Variants in EPB41L1 observed in about 807,000 individuals in gnomAD.
EPB41L1 encodes band 4.1-like protein 1.
In EPB41L1, 29 loss-of-function variants were observed where a neutral mutation model predicts 97.8. The ratio of observed to expected loss-of-function variants is 0.30; its 90% CI spans 0.22 to 0.40. EPB41L1 has a LOEUF of 0.40. Ranked by LOEUF, EPB41L1 falls within the 10% of genes least tolerant of loss-of-function variation. EPB41L1 has a pLI of 1.00. For synonymous variants in EPB41L1, 383 were observed against 459.2 expected (o/e 0.83, Z 2.12); for missense variants, 812 against 1,162.3 (o/e 0.70, Z 4.38).
chr20:36,126,012 G>A (rs144013360), intron 2 of EPB41L1, among the ~76,000 whole-genome samples: 3 of 152,094 alleles, frequency 2.0e-5, no homozygotes, highest in East Asian at 3.9e-4. Flanking sequence ...AGACTTTCTC[G>A]ATGGGGGGCT....
chr20:36,221,482 T>C (rs1329681650), intron 19 of EPB41L1, among the ~76,000 whole-genome samples: 1 of 152,092 alleles, frequency 6.6e-6, no homozygotes, highest in Non-Finnish European at 1.5e-5. Flanking sequence ...GGCAGCCTGG[T>C]GAGGTGAACA....
rs563165871 is a variant in EPB41L1, at chr20:36,099,968, G to A, written c.-65+8356G>A. 2.6e-5 allele frequency among the ~76,000 whole-genome samples: 4 copies of A among 152,360 alleles called. No individual in the cohort carries two copies. In the South Asian group the frequency reaches 8.3e-4, roughly 32 times the overall value. On this transcript the variant is annotated intron_variant, in intron 1 of 19. Transcript: ENST00000202028. ...GGGGTCCCTGGGCTCTGAGTGAGCA[G>A]GCTGAATGGGCCGGTTGTTCTGTTA... is the stretch of plus-strand genomic sequence containing the variant.
chr20:36,175,464 C>A (rs1311560817), intron 2 of EPB41L1, 87 bp from the exon 3 acceptor site: 15 of 1,522,732 alleles, frequency 9.9e-6, no homozygotes, highest in Non-Finnish European at 1.4e-5. Context: ...GTCTTGGCCC[C>A]AGATGCCTCT....
chr20:36,132,638 C>T (rs182748083), intron 2 of EPB41L1, among the ~76,000 whole-genome samples: 141 of 151,764 alleles, frequency 9.3e-4, no homozygotes, highest in South Asian at 8.0e-3. Flanking sequence ...TTACTGGACC[C>T]CCAGGTCCTG....
intron 5 of EPB41L1, among the ~76,000 whole-genome samples, chr20:36,180,979 A>G (rs920493429): frequency 2.6e-5 from 4 of 152,194 alleles, no homozygotes; most frequent in African/African-American, 9.7e-5. Flanking sequence ...CTCAGAATTC[A>G]TCTATAAAAA....
chr20:36,198,126 C>T (rs929856305), intron 14 of EPB41L1, 85 bp downstream of exon 14: 10 of 1,229,716 alleles, frequency 8.1e-6, no homozygotes, highest in South Asian at 3.8e-5. Flanking sequence ...TCATCCTCCA[C>T]ACCAATATGC....
upstream of EPB41L1, chr20:36,151,403 T>C (rs1423203181): frequency 1.3e-5 from 2 of 152,168 alleles, no homozygotes; most frequent in African/African-American, 4.8e-5. Flanking sequence ...GTGAGAAAAT[T>C]GAGGCTCAGA....
rs1354838727 is a variant in EPB41L1, at chr20:36,206,737, G to C, written c.1669-2751G>C. On this transcript the variant is annotated intron_variant, in intron 14 of 21. Coordinates refer to ENST00000338074, the MANE Select transcript of EPB41L1 (RefSeq NM_012156.2). This position sits in a 1 kb window ranked among gnomAD's most constrained non-coding sequence, Gnocchi z 5.5. ...TCCCGCAGGACAGACGTTTGCTGAA[G>C]GCTGGGAAGATGCCCAGTGGGGAGT... is the stretch of plus-strand genomic sequence containing the variant. 15 of 1,289,914 alleles carry C rather than the reference G, an allele frequency of 1.2e-5. No individual in the cohort carries two copies. The highest frequency in any genetic ancestry group is 1.3e-5 in the Non-Finnish European group (13 of 988,896). 79.9% of individuals were successfully genotyped at this position (1,289,914 alleles called of 1,614,324 possible). A position where few individuals can be genotyped will look rare whatever the true frequency, so the allele number is the denominator to read the frequency against.
chr20:36,140,981 G>A (rs1298356152), intron 2 of EPB41L1, among the ~76,000 whole-genome samples: 2 of 152,234 alleles, frequency 1.3e-5, no homozygotes, highest in African/African-American at 2.4e-5. Context: ...ATGGGCTGAT[G>A]AGTAGATGTA....
In EPB41L1 at chr20:36,185,417, C is replaced by G. The variant is rs377646420; in HGVS notation, c.785+82C>G. ...TGCAGGCCTGAATGTCCTAGGCCGC[C>G]ACATACTGTGCTGTTTGTACCCCGC... On this transcript the variant is annotated intron_variant, in intron 7 of 21. Coordinates refer to ENST00000338074, the MANE Select transcript of EPB41L1 (RefSeq NM_012156.2). The G allele has an allele frequency of 3.0e-6, 4 of 1,336,104 alleles. No homozygotes were observed. The African/African-American group carries it at 4.3e-5, about 15-fold the overall frequency. 82.8% of individuals were successfully genotyped at this position (1,336,104 alleles called of 1,614,324 possible).
At chr20:36,203,603 G>C (rs1207040143) in intron 14 of EPB41L1, among the ~76,000 whole-genome samples, 1 of 152,238 alleles carries the variant, frequency 6.6e-6, no homozygotes, top group African/African-American at 2.4e-5. Context: ...CTGGAATGGA[G>C]GCAGCTGAAG....
chr20:36,176,694 C>T (rs368343800), intron 3 of EPB41L1, among the ~76,000 whole-genome samples: 6 of 143,996 alleles, frequency 4.2e-5, no homozygotes, highest in Admixed American at 2.2e-4. Flanking sequence ...TGCAGTGGTG[C>T]GATCTCAGCT....
chr20:36,197,747 A>G lies in EPB41L1; in HGVS notation c.1486-112A>G, dbSNP rs1315211207. ...GAGAGTGACACAGGTCAGAGTGGGA[A>G]TAACGTTGCTGGTGGAGGGTGGTGA... is the stretch of plus-strand genomic sequence containing the variant. On this transcript the variant is annotated intron_variant, in intron 13 of 21. Coordinates refer to ENST00000338074, the MANE Select transcript of EPB41L1 (RefSeq NM_012156.2). The G allele has an allele frequency of 2.6e-5, 42 of 1,596,490 alleles. No homozygotes were observed. In the East Asian group the frequency reaches 9.3e-4, roughly 35 times the overall value.
chr20:36,159,429 T>G (rs778915727), intron 1 of EPB41L1, among the ~76,000 whole-genome samples: 1 of 152,192 alleles, frequency 6.6e-6, no homozygotes, highest in Non-Finnish European at 1.5e-5. Flanking sequence ...GCTGTGCAAT[T>G]GCAAAGCTCT....
intron 2 of EPB41L1, among the ~76,000 whole-genome samples, chr20:36,129,820 G>A (rs1270472404): frequency 3.9e-5 from 6 of 152,002 alleles, no homozygotes; most frequent in Non-Finnish European, 8.8e-5. Context: ...CTGGAGTGCA[G>A]TGGCAACTCA....
At position 36,229,786 on chromosome 20, in the gene EPB41L1, T is replaced by A. The variant is rs1316938833; in HGVS notation, c.*446T>A. The A allele has an allele frequency of 6.4e-6, 1 of 155,076 alleles. No homozygotes were observed. Among genetic ancestry groups the A allele is most frequent in the African/African-American group, 2.4e-5 (1 of 41,478 alleles). The allele number at this position is 155,076 out of a possible 1,614,324, so 9.6% of individuals were successfully genotyped here. Reference sequence around the variant, plus strand: ...CACGTTACAGTTAGCAGACGAGCAATTCCATTTGTTCTTCTCCAGCATCTC... The same window carrying A: ...CACGTTACAGTTAGCAGACGAGCAAATCCATTTGTTCTTCTCCAGCATCTC... On this transcript the variant is annotated 3_prime_UTR_variant, in exon 22 of 22. Coordinates refer to ENST00000338074, the MANE Select transcript of EPB41L1 (RefSeq NM_012156.2).
intron 1 of EPB41L1, among the ~76,000 whole-genome samples, chr20:36,095,992 C>T (rs908554883): frequency 2.7e-5 from 4 of 150,264 alleles, no homozygotes; most frequent in Non-Finnish European, 4.4e-5. Context: ...CATCACTGCG[C>T]ACCAGCCTGG....
At chr20:36,177,410 C>T (rs759303260) in intron 3 of EPB41L1, among the ~76,000 whole-genome samples, 15 of 152,194 alleles carry the variant, frequency 9.9e-5, no homozygotes, top group Non-Finnish European at 1.9e-4. Context: ...GCCCCATGAG[C>T]CTCTGTGAAA....
chr20:36,130,958 G>A (rs1569085064), intron 2 of EPB41L1, among the ~76,000 whole-genome samples: 2 of 149,760 alleles, frequency 1.3e-5, no homozygotes, highest in East Asian at 2.0e-4. Context: ...ACAGGAGCCC[G>A]CCACCACACC....
Sources: gnomAD v4.1 joint callset for allele counts (sites outside exome capture counted in the v4.1 genomes callset) on GRCh38, gnomAD v4.1.1 for gene constraint, Gnocchi (gnomAD v3.1) non-coding constraint, MANE v1.5 for transcripts, NCBI Gene and HGNC (gene_info 2026-07-23, HGNC 2026-07-21) for gene names.